The following CHRNB3 variants were observed in gnomAD, a reference collection of about 807,000 sequenced individuals.
The protein encoded by CHRNB3 is cholinergic receptor nicotinic beta 3 subunit.
In CHRNB3, 37 loss-of-function variants were observed where a neutral mutation model predicts 40.6. That is an observed-to-expected ratio of 0.91 (90% CI 0.70 to 1.20). The LOEUF is 1.20. Among genes scored for constraint, CHRNB3 ranks in the 50% most tolerant of loss-of-function variants. CHRNB3 has a pLI of 0.00. For synonymous variants in CHRNB3, 207 were observed against 207.1 expected (o/e 1.00, Z 0.00); for missense variants, 505 against 551.2 (o/e 0.92, Z 0.84).
chr8:42,734,192 G>C lies in CHRNB3; in HGVS notation c.1242+1643G>C, dbSNP rs1357156231. ...AATCACTTAAACCTGGGAGGCAGAG[G>C]TTGCAGTGAGCTGAGAGTGCACCAC... On this transcript the variant is annotated intron_variant, in intron 5 of 5. Coordinates refer to ENST00000289957, the MANE Select transcript of CHRNB3 (RefSeq NM_000749.5). Among the ~76,000 whole-genome samples, 3 of 135,782 alleles carry C rather than the reference G, an allele frequency of 2.2e-5. No individual in the cohort carries two copies. In the East Asian group the frequency reaches 6.9e-4, roughly 31 times the overall value. The allele number at this position is 135,782 out of a possible 152,430, so 89.1% of individuals were successfully genotyped here.
chr8:42,712,822 C>G (rs1017315691), intron 3 of CHRNB3, among the ~76,000 whole-genome samples: 3 of 151,004 alleles, frequency 2.0e-5, no homozygotes, highest in African/African-American at 7.3e-5. Flanking sequence ...AACACACAAA[C>G]CTTTACTTCC....
At position 42,732,158 on chromosome 8, in the gene CHRNB3, A is replaced by G. The variant is rs75384358; in HGVS notation, c.851A>G (p.Glu284Gly). ...SLTVFLLVIE[E>G]IIPSSSKVIP... ...ACAGTTTTCCTTTTAGTGATTGAAG[A>G]AATCATCCCATCGTCTTCCAAAGTC... is the stretch of plus-strand genomic sequence containing the variant. Residue 284 changes from glutamate to glycine, a missense_variant, in exon 5 of 6, where the codon GAA (glutamate) becomes GGA (glycine). By Grantham distance (98) the Glu-to-Gly change is moderately conservative (BLOSUM62 -2). Transcript: ENST00000289957. 2.0e-4 allele frequency: 316 copies of G among 1,610,900 alleles called. No individual in the cohort carries two copies. The Admixed American group carries it at 5.3e-3, about 27-fold the overall frequency.
At chr8:42,725,089 CTTTTTT>C (rs572194650) in intron 3 of CHRNB3, among the ~76,000 whole-genome samples, 2 of 136,494 alleles carry the variant, frequency 1.5e-5, no homozygotes, top group African/African-American at 5.4e-5. Context: ...TTCTTTCTTT[CTTTTTT>C]TTTTTTTTTT....
intron 1 of CHRNB3, among the ~76,000 whole-genome samples, chr8:42,699,058 C>A (rs1178206132): frequency 1.3e-5 from 2 of 152,196 alleles, no homozygotes; most frequent in Non-Finnish European, 2.9e-5. Context: ...ATTTCTAGAT[C>A]CATCAGCATC....
intron 1 of CHRNB3, among the ~76,000 whole-genome samples, chr8:42,701,651 T>C (rs759219624): frequency 6.6e-6 from 1 of 152,200 alleles, no homozygotes; most frequent in East Asian, 1.9e-4. Flanking sequence ...TCTTTCATGA[T>C]TTCATTCAGT....
intron 1 of CHRNB3, among the ~76,000 whole-genome samples, chr8:42,706,238 C>A (rs1015025755): frequency 2.6e-5 from 4 of 152,112 alleles, no homozygotes; most frequent in African/African-American, 9.7e-5. Flanking sequence ...GAATCGCAGA[C>A]TGGCCCGAGG....
In CHRNB3 at chr8:42,731,807, G is replaced by A; in HGVS notation, c.500G>A (p.Cys167Tyr). The A allele has an allele frequency of 6.2e-7, 1 of 1,613,904 alleles. No individual in the cohort carries two copies. Among genetic ancestry groups the A allele is most frequent in the East Asian group, 2.2e-5 (1 of 44,888 alleles). The change falls in exon 5 of 6, where the codon TGC (cysteine) becomes TAC (tyrosine). Residue 167 changes from cysteine (C) to tyrosine (Y), a missense_variant. Coordinates refer to ENST00000289957, the MANE Select transcript of CHRNB3 (RefSeq NM_000749.5). ...TTTTTCCCGTTCGACCGACAGAACT[G>A]CTCCATGAAGTTTGGATCCTGGACT... The part of the protein sequence containing the change: ...VTFFPFDRQN[C>Y]SMKFGSWTYD...
chr8:42,728,604 T>A (rs1336286133), intron 3 of CHRNB3, among the ~76,000 whole-genome samples: 2 of 152,086 alleles, frequency 1.3e-5, no homozygotes, highest in African/African-American at 4.8e-5. Context: ...AAGTCAGAAT[T>A]GAAATGTTAT....
chr8:42,707,808 G>A (rs919689486), intron 1 of CHRNB3, among the ~76,000 whole-genome samples: 14 of 152,308 alleles, frequency 9.2e-5, no homozygotes, highest in Non-Finnish European at 1.0e-4. Context: ...AGGGGCACAC[G>A]GCTGGTGTTC....
At chr8:42,726,338 A>C (rs1051679505) in intron 3 of CHRNB3, 6 of 532,578 alleles carry the variant, frequency 1.1e-5, no homozygotes, top group Admixed American at 1.1e-4. Flanking sequence ...AAATGACATA[A>C]TTGTCTATGT....
At chr8:42,706,742 A>G (rs1212017192) in intron 1 of CHRNB3, among the ~76,000 whole-genome samples, 1 of 152,044 alleles carries the variant, frequency 6.6e-6, no homozygotes, top group Non-Finnish European at 1.5e-5. Context: ...ATAGTAATCA[A>G]CAGATCAGTT....
intron 1 of CHRNB3, among the ~76,000 whole-genome samples, chr8:42,700,182 A>C (rs1815763406): frequency 6.6e-6 from 1 of 150,992 alleles, no homozygotes; most frequent in Non-Finnish European, 1.5e-5. Flanking sequence ...CCCAGCTAAT[A>C]TTTTTTGTAT....
At chr8:42,730,312 G>A (rs1816381414) in intron 3 of CHRNB3, among the ~76,000 whole-genome samples, 1 of 152,148 alleles carries the variant, frequency 6.6e-6, no homozygotes, top group South Asian at 2.1e-4. Context: ...GATAGATCAT[G>A]AATTAGTGGC....
intron 3 of CHRNB3, among the ~76,000 whole-genome samples, chr8:42,714,021 C>T (rs1192475929): frequency 6.6e-6 from 1 of 152,128 alleles, no homozygotes; most frequent in African/African-American, 2.4e-5. Flanking sequence ...TCCATTTGCA[C>T]AGATTGAGTT....
intron 1 of CHRNB3, among the ~76,000 whole-genome samples, chr8:42,697,950 A>G (rs544188912): frequency 3.3e-5 from 5 of 152,328 alleles, no homozygotes; most frequent in African/African-American, 1.2e-4. Flanking sequence ...AATTTACTAT[A>G]TCAACATTTT....
intron 1 of CHRNB3, chr8:42,705,924 G>A (rs1264828941): frequency 6.6e-6 from 1 of 152,258 alleles, no homozygotes; most frequent in East Asian, 1.9e-4. Flanking sequence ...CTGGGTGACA[G>A]TCACTGTTCT....
chr8:42,709,386 CTG>C (rs1282800881), intron 2 of CHRNB3, among the ~76,000 whole-genome samples: 1,678 of 152,288 alleles, frequency 0.011, 35 homozygotes, highest in African/African-American at 0.039. Flanking sequence ...GCTTGCCTTT[CTG>C]TCATGATTGT....
intron 1 of CHRNB3, chr8:42,705,964 C>T (rs1815916490): frequency 6.6e-6 from 1 of 152,282 alleles, no homozygotes; most frequent in Non-Finnish European, 1.5e-5. Flanking sequence ...GTGAGGAAGA[C>T]AATCCCCAAC....
chr8:42,708,978 T>C, intron 2 of CHRNB3, 110 bp downstream of exon 2: 2 of 1,209,558 alleles, frequency 1.7e-6, no homozygotes, highest in Non-Finnish European at 2.2e-6. Context: ...TAAAAATAAT[T>C]TACTGTGAGA....
Sources: allele counts gnomAD v4.1 joint callset (sites outside exome capture counted in the v4.1 genomes callset), GRCh38; gene constraint gnomAD v4.1.1; transcripts MANE v1.5; gene names NCBI Gene and HGNC (gene_info 2026-07-23, HGNC 2026-07-21).